Variants in PRKAR1B observed in about 807,000 individuals in gnomAD.
PRKAR1B encodes the protein protein kinase cAMP-dependent type I regulatory subunit beta.
Under a neutral mutation model 46.5 loss-of-function variants are expected in PRKAR1B, and 22 were observed. The ratio of observed to expected loss-of-function variants is 0.47; its 90% CI spans 0.34 to 0.68. The LOEUF (loss-of-function observed/expected upper bound fraction) is 0.68, where lower values mean the gene tolerates loss of function less well. Among genes scored for constraint, PRKAR1B ranks in the 30% least tolerant of loss-of-function variants. The pLI, the probability that PRKAR1B is intolerant of heterozygous loss-of-function variation, is 0.01. For synonymous variants in PRKAR1B, 259 were observed against 217.7 expected, an observed-to-expected ratio of 1.19 and a Z score of -1.67; for missense variants, 445 against 535.6, an observed-to-expected ratio of 0.83 and a Z score of 1.67.
intron 4 of PRKAR1B, among the ~76,000 whole-genome samples, chr7:660,280 T>G (rs138737420): frequency 0.019 from 2,894 of 151,800 alleles, 40 homozygotes; most frequent in Middle Eastern, 0.051. Context: ...CTACCATAGC[T>G]CAATGGGGCC....
chr7:719,164 C>G (rs534828496), intron 1 of PRKAR1B, among the ~76,000 whole-genome samples: 2 of 152,096 alleles, frequency 1.3e-5, no homozygotes, highest in Non-Finnish European at 2.9e-5. Flanking sequence ...CTCAGCCTCC[C>G]GAGTAGGTGG....
Position 550,365 on chromosome 7 carries a change from C to T in PRKAR1B, c.*65G>A, listed in dbSNP as rs1004284052. On this transcript the variant is annotated 3_prime_UTR_variant, in exon 11 of 11. Coordinates refer to ENST00000537384, the MANE Select transcript of PRKAR1B (RefSeq NM_001164760.2). The stretch of plus-strand genomic sequence containing the variant: ...CCTCACACAGCGGCTCCCGGGCCCC[C>T]GACACAGACGAGCAGGGCACGGCCA... The T allele has an allele frequency of 3.9e-5, 59 of 1,493,926 alleles. No homozygotes were observed. Among genetic ancestry groups the T allele is most frequent in the South Asian group, 7.3e-5 (6 of 81,800 alleles). 92.5% of individuals were successfully genotyped at this position (1,493,926 alleles called of 1,614,324 possible). A position where few individuals can be genotyped will look rare whatever the true frequency, so the allele number is the denominator to read the frequency against.
intron 6 of PRKAR1B, among the ~76,000 whole-genome samples, chr7:601,896 AG>A (rs1248432618): frequency 1.7e-5 from 1 of 58,720 alleles, no homozygotes; most frequent in Non-Finnish European, 3.6e-5. Flanking sequence ...GGGGCTGGGG[AG>A]GGGTAGGGAC....
At chr7:710,417 C>T (rs1271478852) in intron 2 of PRKAR1B, among the ~76,000 whole-genome samples, 1 of 152,148 alleles carries the variant, frequency 6.6e-6, no homozygotes, top group Admixed American at 6.6e-5. Context: ...GCTCCTGTCC[C>T]GGCCTCCACT....
At chr7:713,857 A>C (rs1780779453) in intron 1 of PRKAR1B, among the ~76,000 whole-genome samples, 2 of 152,144 alleles carry the variant, frequency 1.3e-5, no homozygotes, top group Admixed American at 6.5e-5. Flanking sequence ...GGGGTCAAAC[A>C]CGAAGGTCCT....
intron 2 of PRKAR1B, among the ~76,000 whole-genome samples, chr7:708,199 C>T (rs1463152057): frequency 6.6e-6 from 1 of 151,974 alleles, no homozygotes; most frequent in Non-Finnish European, 1.5e-5. Flanking sequence ...TCCCAATACA[C>T]CTCGATCTCG....
intron 2 of PRKAR1B, among the ~76,000 whole-genome samples, chr7:708,014 C>T (rs763513567): frequency 1.3e-5 from 2 of 150,076 alleles, no homozygotes; most frequent in African/African-American, 4.9e-5. Context: ...AAGATGATCA[C>T]CAGCACCACC....
intron 9 of PRKAR1B, among the ~76,000 whole-genome samples, chr7:558,326 A>AG (rs1171897185): frequency 7.1e-5 from 7 of 98,220 alleles, no homozygotes; most frequent in Middle Eastern, 4.5e-3. Flanking sequence ...ACCCTGTCTC[A>AG]GGAAAAAAAA....
At chr7:618,089 T>C (rs1782931209) in intron 4 of PRKAR1B, among the ~76,000 whole-genome samples, 2 of 151,670 alleles carry the variant, frequency 1.3e-5, no homozygotes, top group Admixed American at 6.6e-5. Flanking sequence ...CAGTGGTAAG[T>C]GCCGGAGTGA....
Position 575,177 on chromosome 7 carries a change from G to A in PRKAR1B, c.891+4079C>T, listed in dbSNP as rs1779747576. 2.0e-5 allele frequency among the ~76,000 whole-genome samples: 3 copies of A among 152,246 alleles called. 1 individual carries two copies. The highest frequency in any genetic ancestry group is 4.1e-4 in the South Asian group (2 of 4,836). ...TCCCCTGGGGTTGCATCCAGATGGA[G>A]GCAGGGGTGACCTCATCGGAAGACC... is the stretch of plus-strand genomic sequence containing the variant. On this transcript the variant is annotated intron_variant, in intron 9 of 10. Transcript: ENST00000537384.
chr7:646,937 A>C (rs760129568), intron 4 of PRKAR1B, among the ~76,000 whole-genome samples: 2 of 152,164 alleles, frequency 1.3e-5, no homozygotes, highest in Non-Finnish European at 2.9e-5. Context: ...GCAGCGGTAC[A>C]CCTGGCAGGG....
chr7:641,595 A>G (rs1784393212), intron 4 of PRKAR1B, among the ~76,000 whole-genome samples: 1 of 152,220 alleles, frequency 6.6e-6, no homozygotes, highest in South Asian at 2.1e-4. Flanking sequence ...CCACAGGTCC[A>G]TGGCAGGGAG....
intron 7 of PRKAR1B, among the ~76,000 whole-genome samples, chr7:595,652 C>A (rs1562548004): frequency 1.3e-5 from 2 of 152,234 alleles, no homozygotes; most frequent in East Asian, 3.8e-4. Context: ...CACAGGCATA[C>A]ACCCACGTGT....
chr7:682,890 C>T (rs1439902479), intron 2 of PRKAR1B, among the ~76,000 whole-genome samples: 1 of 152,176 alleles, frequency 6.6e-6, no homozygotes, highest in Non-Finnish European at 1.5e-5. Flanking sequence ...GAGGTGGGTG[C>T]GGCCCCCAAC....
intron 9 of PRKAR1B, chr7:578,999 T>C: frequency 7.5e-7 from 1 of 1,330,234 alleles, no homozygotes; most frequent in Non-Finnish European, 9.7e-7. Context: ...TGCAGTTTTA[T>C]CACACGTGCA....
chr7:701,269 AAAG>A (rs1396700870), intron 2 of PRKAR1B, among the ~76,000 whole-genome samples: 2 of 111,064 alleles, frequency 1.8e-5, no homozygotes, highest in South Asian at 3.4e-4. Context: ...AAGAAGGAAA[AAAG>A]AAAGAAAGAA....
rs185049221 is a variant in PRKAR1B at position 551,695 on chromosome 7, T to C, written c.892-225A>G. On this transcript the variant is annotated intron_variant, in intron 9 of 10. Transcript: ENST00000537384. The stretch of plus-strand genomic sequence containing the variant: ...CACCACATCACCACCCAAACCCCCA[T>C]GTCCTGCCCAGGTCCTTCTCCAGAG... Among the ~76,000 whole-genome samples the C allele has an allele frequency of 9.8e-3, 857 of 87,304 alleles. 3 individuals carry two copies. The highest frequency in any genetic ancestry group is 0.047 in the Middle Eastern group (5 of 106). 57.3% of individuals were successfully genotyped at this position (87,304 alleles called of 152,430 possible).
chr7:671,376 C>T (rs182961100), intron 4 of PRKAR1B, among the ~76,000 whole-genome samples: 3 of 152,200 alleles, frequency 2.0e-5, no homozygotes, highest in Non-Finnish European at 4.4e-5. Context: ...TGCAGAGGGA[C>T]GGGTGAGTTC....
At position 644,488 on chromosome 7, in the gene PRKAR1B, A is replaced by C. The variant is rs542041924; in HGVS notation, c.440+32741T>G. On this transcript the variant is annotated intron_variant, in intron 4 of 10. Coordinates refer to ENST00000537384, the MANE Select transcript of PRKAR1B (RefSeq NM_001164760.2). The surrounding 1 kb of genome is among the most constrained non-coding windows in gnomAD (Gnocchi z 4.9). The stretch of plus-strand genomic sequence containing the variant: ...GCATCAGGAGGGAAGCCCCACTCGG[A>C]CGCCATCCCGGGGTCCAGCATCCCT... Among the ~76,000 whole-genome samples, 1 of 152,128 alleles carries C rather than the reference A, an allele frequency of 6.6e-6. No individual in the cohort carries two copies. Among genetic ancestry groups the C allele is most frequent in the South Asian group, 2.1e-4 (1 of 4,808 alleles).
Sources: allele counts gnomAD v4.1 joint callset (sites outside exome capture counted in the v4.1 genomes callset), GRCh38; gene constraint gnomAD v4.1.1; non-coding constraint Gnocchi (gnomAD v3.1); transcripts MANE v1.5; gene names NCBI Gene and HGNC (gene_info 2026-07-23, HGNC 2026-07-21).